Variants in HSF2BP observed in about 807,000 individuals in gnomAD.
The protein encoded by HSF2BP is heat shock transcription factor 2 binding protein.
In HSF2BP, 35 loss-of-function variants were observed where a neutral mutation model predicts 35.0. The ratio of observed to expected loss-of-function variants is 1.00; its 90% CI spans 0.76 to 1.32. The LOEUF (loss-of-function observed/expected upper bound fraction) is 1.32. Among genes scored for constraint, HSF2BP ranks in the 40% most tolerant of loss-of-function variants. The pLI is 0.00. For synonymous variants in HSF2BP, 114 were observed against 117.4 expected, an observed-to-expected ratio of 0.97 and a Z score of 0.18; for missense variants, 326 against 321.7, an observed-to-expected ratio of 1.01 and a Z score of -0.10.
intron 8 of HSF2BP, among the ~76,000 whole-genome samples, chr21:43,590,539 C>T (rs2081912963): frequency 6.6e-6 from 1 of 152,174 alleles, no homozygotes; most frequent in Non-Finnish European, 1.5e-5. Context: ...ATGCTCCCAG[C>T]AGCTTTATGT....
chr21:43,601,005 C>T (rs964649651), intron 7 of HSF2BP, among the ~76,000 whole-genome samples: 4 of 152,204 alleles, frequency 2.6e-5, no homozygotes, highest in Non-Finnish European at 5.9e-5. Context: ...CTGATATATG[C>T]CAACTTTTTA....
intron 7 of HSF2BP, among the ~76,000 whole-genome samples, chr21:43,593,861 A>T (rs965433369): frequency 1.3e-5 from 2 of 152,158 alleles, no homozygotes; most frequent in African/African-American, 2.4e-5. Flanking sequence ...ACAAAGAAAG[A>T]ACAGAAAGAA....
At chr21:43,596,909 A>AG (rs61082908) in intron 7 of HSF2BP, among the ~76,000 whole-genome samples, 6 of 142,838 alleles carry the variant, frequency 4.2e-5, no homozygotes, top group Non-Finnish European at 9.1e-5. Flanking sequence ...AAAAAAAGAG[A>AG]ATTTTTTTTT....
At chr21:43,648,063 G>A (rs1019133139) in intron 3 of HSF2BP, among the ~76,000 whole-genome samples, 24 of 151,990 alleles carry the variant, frequency 1.6e-4, no homozygotes, top group African/African-American at 3.1e-4. Flanking sequence ...ACAGCAGAGC[G>A]GTCACGGGTG....
Position 43,656,675 on chromosome 21 carries a change from A to C in HSF2BP, c.99T>G (p.Thr33=), listed in dbSNP as rs747277197. 2.5e-6 allele frequency: 4 copies of C among 1,613,908 alleles called. No homozygotes were observed. Among genetic ancestry groups the C allele is most frequent in the Admixed American group, 1.7e-5 (1 of 60,008 alleles). The change falls in exon 3 of 9, where the codon ACT becomes ACG. Residue 33 remains threonine, a synonymous_variant. Coordinates refer to ENST00000291560, the MANE Select transcript of HSF2BP (RefSeq NM_007031.2). ...AGAAGTCCCGTATTTGCATCACTTC[A>C]GTTGTCAGCCGTTCCAGATCCTTCT... ...VRKKDLERLT[T]EVMQIRDFLP... is the part of the protein sequence containing the mutation.
chr21:43,646,773 C>T (rs900633199), intron 3 of HSF2BP, among the ~76,000 whole-genome samples: 3 of 152,202 alleles, frequency 2.0e-5, no homozygotes, highest in African/African-American at 7.2e-5. Flanking sequence ...TCAGGGAGGC[C>T]ACACCCATCT....
At chr21:43,577,087 A>G (rs1325689240) in intron 8 of HSF2BP, among the ~76,000 whole-genome samples, 1 of 152,226 alleles carries the variant, frequency 6.6e-6, no homozygotes, top group Non-Finnish European at 1.5e-5. Context: ...CACAGCTGAC[A>G]TGCAGGTTGG....
At chr21:43,632,253 ACTCCCC>A (rs2082482154) in intron 5 of HSF2BP, among the ~76,000 whole-genome samples, 9 of 56,128 alleles carry the variant, frequency 1.6e-4, no homozygotes, top group Non-Finnish European at 2.4e-4. Flanking sequence ...ACACACACAC[ACTCCCC>A]CACACACACG....
intron 7 of HSF2BP, among the ~76,000 whole-genome samples, chr21:43,607,622 G>A (rs1217846862): frequency 6.6e-6 from 1 of 152,058 alleles, no homozygotes; most frequent in East Asian, 1.9e-4. Context: ...AACCAAAAAA[G>A]AGCCCAAATA....
intron 8 of HSF2BP, among the ~76,000 whole-genome samples, chr21:43,579,311 T>C (rs1175170382): frequency 6.6e-6 from 1 of 152,230 alleles, no homozygotes; most frequent in Non-Finnish European, 1.5e-5. Flanking sequence ...GAAGAATTCA[T>C]GCAGAGTTAT....
At chr21:43,588,203 C>A (rs1401944221) in intron 8 of HSF2BP, among the ~76,000 whole-genome samples, 1 of 152,008 alleles carries the variant, frequency 6.6e-6, no homozygotes, top group Non-Finnish European at 1.5e-5. Context: ...CATGGTGAAA[C>A]CTTGTCTCAA....
At position 43,607,240 on chromosome 21, in the gene HSF2BP, T is replaced by G. The variant is rs149134475; in HGVS notation, c.692+6590A>C. On this transcript the variant is annotated intron_variant, in intron 7 of 8. Coordinates refer to ENST00000291560, the MANE Select transcript of HSF2BP (RefSeq NM_007031.2). ...AGCAGGTCGAGGCTGCAGTGAGCCG[T>G]GATTATGCCACTGCACTCCAGCCTG... 5.3e-4 allele frequency among the ~76,000 whole-genome samples: 80 copies of G among 150,078 alleles called. No homozygotes were observed. In the East Asian group the frequency reaches 0.015, roughly 27 times the overall value.
intron 7 of HSF2BP, among the ~76,000 whole-genome samples, chr21:43,598,385 T>G (rs920347149): frequency 2.2e-4 from 18 of 82,474 alleles, no homozygotes; most frequent in African/African-American, 1.1e-3. Flanking sequence ...TTGTGGGTTT[T>G]TTTGTTTTTT....
At chr21:43,653,189 AGGAAGGGAAGGGGAAG>A (rs536898246) in intron 3 of HSF2BP, among the ~76,000 whole-genome samples, 54,424 of 94,028 alleles carry the variant, frequency 0.58, 16,985 homozygotes, top group East Asian at 0.76. Context: ...GAAAAGGGAA[AGGAAGGGAAGGGGAAG>A]GGAAGGGAAG....
At chr21:43,631,994 CTCCCACACACACAG>C (rs2082467850) in intron 5 of HSF2BP, among the ~76,000 whole-genome samples, 1 of 101,784 alleles carries the variant, frequency 9.8e-6, no homozygotes, top group African/African-American at 4.1e-5. Context: ...CACACACACA[CTCCCACACACACAG>C]GCTCCCACAT....
At chr21:43,632,957 A>G (rs965314420) in intron 5 of HSF2BP, among the ~76,000 whole-genome samples, 1 of 152,154 alleles carries the variant, frequency 6.6e-6, no homozygotes, top group Non-Finnish European at 1.5e-5. Context: ...TATTCAATAA[A>G]TACTATATTA....
intron 3 of HSF2BP, among the ~76,000 whole-genome samples, chr21:43,653,734 G>C (rs2082828127): frequency 6.6e-6 from 1 of 152,228 alleles, no homozygotes. Flanking sequence ...TCAGGCTACA[G>C]TGTGTCTGAG....
chr21:43,577,587 G>C (rs1425850154), intron 8 of HSF2BP, among the ~76,000 whole-genome samples: 2 of 152,158 alleles, frequency 1.3e-5, no homozygotes, highest in Non-Finnish European at 2.9e-5. Context: ...CTCCAGTGAA[G>C]AAGTCTCTCC....
rs545341860 is a variant in HSF2BP, at chr21:43,589,595, C to A, written c.796+2630G>T. Among the ~76,000 whole-genome samples, 5 of 152,192 alleles carry A rather than the reference C, an allele frequency of 3.3e-5. No homozygotes were observed. The East Asian group carries it at 9.7e-4, about 29-fold the overall frequency. On this transcript the variant is annotated intron_variant, in intron 8 of 8. Coordinates refer to ENST00000291560, the MANE Select transcript of HSF2BP (RefSeq NM_007031.2). ...GAACAAAGTTGGACGACTTATACTA[C>A]CTGACTTTAAGATTTATTATAAAGC...
Sources: allele counts gnomAD v4.1 joint callset (sites outside exome capture counted in the v4.1 genomes callset), GRCh38; gene constraint gnomAD v4.1.1; transcripts MANE v1.5; gene names NCBI Gene and HGNC (gene_info 2026-07-23, HGNC 2026-07-21).